TSC22D1: variants seen among roughly 807,000 people sequenced by gnomAD.
The protein encoded by TSC22D1 is TSC22 domain family member 1.
TSC22D1 carries 9 observed loss-of-function variants against 74.2 expected under a neutral mutation model. The observed-to-expected ratio is 0.12, with a 90% CI of 0.07 to 0.21. The LOEUF (loss-of-function observed/expected upper bound fraction) is 0.21, where lower values mean the gene tolerates loss of function less well. TSC22D1 is among the 10% of genes least tolerant of loss of function. The probability of loss-of-function intolerance (pLI) is 1.00; values close to 1 mark genes in which losing one functional copy is unlikely to be tolerated. For missense variants in TSC22D1, 1,427 were observed against 1,304.7 expected, an observed-to-expected ratio of 1.09 and a Z score of -1.44; for synonymous variants, 586 against 492.5, an observed-to-expected ratio of 1.19 and a Z score of -2.51.
chr13:44,454,483 C>T (rs1447556254), intron 1 of TSC22D1, among the ~76,000 whole-genome samples: 2 of 152,190 alleles, frequency 1.3e-5, no homozygotes, highest in African/African-American at 4.8e-5. Flanking sequence ...AACTCTTATG[C>T]TCCTCCTCAT....
At chr13:44,539,860 C>T in intron 1 of TSC22D1, 1 of 1,289,704 alleles carries the variant, frequency 7.8e-7, no homozygotes, top group Non-Finnish European at 1.0e-6. Context: ...CAAAAGCTCT[C>T]CGTGGTCTTG....
At chr13:44,530,275 G>C (rs900047913) in intron 1 of TSC22D1, among the ~76,000 whole-genome samples, 1 of 152,080 alleles carries the variant, frequency 6.6e-6, no homozygotes, top group Admixed American at 6.5e-5. Flanking sequence ...TTTGAAAAGA[G>C]AGCAAAGGCA....
At chr13:44,530,490 A>G (rs570800394) in intron 1 of TSC22D1, among the ~76,000 whole-genome samples, 80 of 152,212 alleles carry the variant, frequency 5.3e-4, no homozygotes, top group Non-Finnish European at 8.4e-4. Flanking sequence ...GTGGCCTTAA[A>G]TTTTTAGATA....
rs1874310845 is a variant in TSC22D1 at position 44,434,172 on chromosome 13, T to G, written c.*454A>C. On this transcript the variant is annotated 3_prime_UTR_variant, in exon 3 of 3. Coordinates refer to ENST00000458659, the MANE Select transcript of TSC22D1 (RefSeq NM_183422.4). ...TCTGTTCCCCCTCATTTTAGTCTTT[T>G]TACCCTCCTTTCAAGTTCCTCCTGG... The G allele has an allele frequency of 1.4e-6, 2 of 1,472,916 alleles. No individual in the cohort carries two copies. The highest frequency in any genetic ancestry group is 6.0e-5 in the Admixed American group (2 of 33,542). 91.2% of individuals were successfully genotyped at this position (1,472,916 alleles called of 1,614,324 possible). A position where few individuals can be genotyped will look rare whatever the true frequency, so the allele number is the denominator to read the frequency against.
chr13:44,508,617 T>G (rs1055170094), intron 1 of TSC22D1, among the ~76,000 whole-genome samples: 1 of 152,198 alleles, frequency 6.6e-6, no homozygotes, highest in Non-Finnish European at 1.5e-5. Context: ...TAGACTATGT[T>G]GCCCACCACC....
In TSC22D1 at chr13:44,512,459, G is replaced by A. The variant is rs190368137; in HGVS notation, c.2912+60704C>T. Among the ~76,000 whole-genome samples the A allele has an allele frequency of 4.3e-3, 649 of 151,904 alleles. 1 individual carries two copies. The highest frequency in any genetic ancestry group is 4.3e-3 in the Non-Finnish European group (289 of 67,946). ...GCTGGGATTACAGGTGTGAGCCACC[G>A]CGCCCAGCCTTGGATATTTATTTCA... On this transcript the variant is annotated intron_variant, in intron 1 of 2. Transcript: ENST00000458659.
rs774204946 is a variant in TSC22D1 at position 44,574,970 on chromosome 13, T to C, written c.1105A>G (p.Asn369Asp). The C allele has an allele frequency of 2.5e-6, 4 of 1,614,118 alleles. No homozygotes were observed. The highest frequency in any genetic ancestry group is 3.4e-6 in the Non-Finnish European group (4 of 1,180,032). The change falls in exon 1 of 3, where the codon AAT becomes GAT. Residue 369 changes from asparagine (N) to aspartate (D), a missense_variant. This residue lies in a region of TSC22D1 where 1,343 missense variants were observed against 1,191.5 expected (regional missense o/e 1.13). Coordinates refer to ENST00000458659, the MANE Select transcript of TSC22D1 (RefSeq NM_183422.4). Reference protein sequence around the residue: ...VNVNILSGMGNGTISSSAAVS... With the variant: ...VNVNILSGMGDGTISSSAAVS... Reference sequence around the variant, plus strand: ...GCAGCAGAGGAAGAAATAGTACCATTGCCCATGCCACTCAAGATATTCACA... The same window carrying C: ...GCAGCAGAGGAAGAAATAGTACCATCGCCCATGCCACTCAAGATATTCACA...
In TSC22D1 at chr13:44,573,031, C is replaced by T; in HGVS notation, c.2912+132G>A. ...CATAACTCTTGCTCTATAAAACTTCCCATAAAAATGCATTTTTCACATACA... is the reference window on the plus strand; with the variant it reads ...CATAACTCTTGCTCTATAAAACTTCTCATAAAAATGCATTTTTCACATACA... On this transcript the variant is annotated intron_variant, in intron 1 of 2. Coordinates refer to ENST00000458659, the MANE Select transcript of TSC22D1 (RefSeq NM_183422.4). The T allele has an allele frequency of 6.1e-6, 8 of 1,321,172 alleles. No individual in the cohort carries two copies. The South Asian group carries it at 1.3e-4, about 21-fold the overall frequency. 81.8% of individuals were successfully genotyped at this position (1,321,172 alleles called of 1,614,324 possible).
chr13:44,525,795 CAAAAAA>C (rs59399056), intron 1 of TSC22D1, among the ~76,000 whole-genome samples: 194 of 88,558 alleles, frequency 2.2e-3, no homozygotes, highest in African/African-American at 5.6e-3. Context: ...TAGCTTTTAA[CAAAAAA>C]AAAAAAAAAA....
At chr13:44,537,390 A>G (rs779414858) in intron 1 of TSC22D1, 12 of 985,060 alleles carry the variant, frequency 1.2e-5, no homozygotes, top group Non-Finnish European at 1.4e-5. Context: ...TTCCTTTTGC[A>G]TATTTTAAGG....
chr13:44,445,351 C>T (rs1165459205), intron 1 of TSC22D1, among the ~76,000 whole-genome samples: 1 of 151,106 alleles, frequency 6.6e-6, no homozygotes, highest in East Asian at 1.9e-4. Context: ...TACAACTGAT[C>T]CATTCTTTAC....
intron 1 of TSC22D1, among the ~76,000 whole-genome samples, chr13:44,521,868 C>T (rs1880334550): frequency 1.3e-5 from 2 of 152,102 alleles, no homozygotes; most frequent in African/African-American, 4.8e-5. Flanking sequence ...ATGGATCTTC[C>T]TCACTAAATT....
chr13:44,442,164 G>A (rs1875258168), intron 1 of TSC22D1, among the ~76,000 whole-genome samples: 1 of 152,170 alleles, frequency 6.6e-6, no homozygotes, highest in African/African-American at 2.4e-5. Flanking sequence ...TTAAAAGGAA[G>A]CCCTGAAAGG....
chr13:44,550,592 AAAAAAAAAG>A (rs1342043251), intron 1 of TSC22D1, among the ~76,000 whole-genome samples: 3 of 151,562 alleles, frequency 2.0e-5, no homozygotes, highest in African/African-American at 7.3e-5. Flanking sequence ...CGGGGAAAAA[AAAAAAAAAG>A]AAAAAAAGAA....
intron 1 of TSC22D1, among the ~76,000 whole-genome samples, chr13:44,456,120 A>C (rs929868391): frequency 3.9e-5 from 6 of 152,178 alleles, no homozygotes; most frequent in Non-Finnish European, 8.8e-5. Context: ...TTAAAGAATA[A>C]AGCCGTGGAC....
chr13:44,491,668 G>A (rs1473898481), intron 1 of TSC22D1, among the ~76,000 whole-genome samples: 2 of 152,040 alleles, frequency 1.3e-5, no homozygotes, highest in South Asian at 2.1e-4. Flanking sequence ...TGAATTTACG[G>A]AAAAGGAAAT....
intron 1 of TSC22D1, among the ~76,000 whole-genome samples, chr13:44,453,135 GTT>G (rs1876286809): frequency 6.6e-6 from 1 of 152,188 alleles, no homozygotes; most frequent in Non-Finnish European, 1.5e-5. Flanking sequence ...CAGCAAACTA[GTT>G]TGCCTCTAAG....
chr13:44,527,494 C>T (rs1595138635), intron 1 of TSC22D1, among the ~76,000 whole-genome samples: 1 of 152,058 alleles, frequency 6.6e-6, no homozygotes, highest in Admixed American at 6.5e-5. Context: ...ACACTGCCAA[C>T]TCTAGGGCAA....
chr13:44,516,026 T>C (rs983177541), intron 1 of TSC22D1, among the ~76,000 whole-genome samples: 8 of 152,108 alleles, frequency 5.3e-5, no homozygotes, highest in Admixed American at 3.3e-4. Flanking sequence ...TAGGCAAACT[T>C]TTCATGTTTT....
Sources: allele counts gnomAD v4.1 joint callset (sites outside exome capture counted in the v4.1 genomes callset), GRCh38; gene constraint gnomAD v4.1.1; regional missense constraint gnomAD v4.1.1; transcripts MANE v1.5; gene names NCBI Gene and HGNC (gene_info 2026-07-23, HGNC 2026-07-21).